The following LRRC74A variants were observed in gnomAD, a reference collection of about 807,000 sequenced individuals.
LRRC74A encodes leucine-rich repeat-containing protein 74A.
Under a neutral mutation model 57.9 loss-of-function variants are expected in LRRC74A, and 44 were observed. That is an observed-to-expected ratio of 0.76 (90% CI 0.60 to 0.98). The LOEUF is 0.98. LRRC74A is among the 50% of genes least tolerant of loss of function. The pLI, the probability that LRRC74A is intolerant of heterozygous loss-of-function variation, is 0.00. For missense variants in LRRC74A, 572 were observed against 574.0 expected (o/e 1.00, Z 0.04); for synonymous variants, 211 against 219.4 (o/e 0.96, Z 0.34).
chr14:76,851,647 C>A (rs557981182), intron 7 of LRRC74A, among the ~76,000 whole-genome samples: 314 of 145,006 alleles, frequency 2.2e-3, no homozygotes, highest in African/African-American at 7.7e-3. Context: ...TGTGAGCCAC[C>A]GTGCCTGGCC....
chr14:76,846,079 C>T (rs1897102218), intron 7 of LRRC74A, among the ~76,000 whole-genome samples: 2 of 152,034 alleles, frequency 1.3e-5, no homozygotes, highest in Admixed American at 1.3e-4. Flanking sequence ...TTGTAGAGTA[C>T]AAAAAATAGT....
At chr14:76,848,927 C>T (rs948758664) in intron 7 of LRRC74A, among the ~76,000 whole-genome samples, 1 of 152,110 alleles carries the variant, frequency 6.6e-6, no homozygotes, top group Admixed American at 6.6e-5. Flanking sequence ...TTCATGGTGG[C>T]ATTTGAAGCC....
At chr14:76,848,488 G>T (rs1316526571) in intron 7 of LRRC74A, among the ~76,000 whole-genome samples, 1 of 151,798 alleles carries the variant, frequency 6.6e-6, no homozygotes, top group Non-Finnish European at 1.5e-5. Flanking sequence ...AGAACTGCTT[G>T]AGCCCAGGAG....
At chr14:76,846,306 G>A (rs1229450895) in intron 7 of LRRC74A, among the ~76,000 whole-genome samples, 4 of 152,182 alleles carry the variant, frequency 2.6e-5, no homozygotes, top group Non-Finnish European at 5.9e-5. Context: ...AGCGAAATAA[G>A]AATACTTCAA....
chr14:76,850,434 T>C (rs1427504349), intron 7 of LRRC74A, among the ~76,000 whole-genome samples: 2 of 149,496 alleles, frequency 1.3e-5, no homozygotes, highest in East Asian at 2.0e-4. Context: ...AAAAAGAGAG[T>C]GAAGGAGGGG....
chr14:76,846,539 G>C (rs983437630), intron 7 of LRRC74A, among the ~76,000 whole-genome samples: 1 of 152,210 alleles, frequency 6.6e-6, no homozygotes, highest in Non-Finnish European at 1.5e-5. Context: ...GAGTACAAAA[G>C]AGGAAGTTGT....
At chr14:76,830,535 A>G (rs12892727) in intron 2 of LRRC74A, among the ~76,000 whole-genome samples, 25,167 of 152,252 alleles carry the variant, frequency 0.17, 2,209 homozygotes, top group East Asian at 0.27. Context: ...GTTTGTCGTC[A>G]ATAAAGCAAG....
chr14:76,849,403 C>A lies in LRRC74A; in HGVS notation c.677-2962C>A, dbSNP rs542378757. Among the ~76,000 whole-genome samples the A allele has an allele frequency of 1.3e-3, 197 of 152,108 alleles. 1 individual carries two copies. Among genetic ancestry groups the A allele is most frequent in the East Asian group, 1.6e-3 (8 of 5,116 alleles). ...AACACCTGACCTCAAGTGATCCACC[C>A]TCCTCGGCCTCCCAAAGAGCTGGGA... On this transcript the variant is annotated intron_variant, in intron 7 of 13. Transcript: ENST00000689127.
intron 3 of LRRC74A, 85 bp downstream of exon 3, chr14:76,831,460 C>A (rs1895966931): frequency 9.0e-6 from 13 of 1,440,746 alleles, no homozygotes; most frequent in Admixed American, 1.8e-5. Flanking sequence ...AGGGCCCCTC[C>A]TATGGAGCCT....
At chr14:76,847,695 A>C (rs1292882878) in intron 7 of LRRC74A, among the ~76,000 whole-genome samples, 1 of 152,142 alleles carries the variant, frequency 6.6e-6, no homozygotes, top group Non-Finnish European at 1.5e-5. Context: ...ATTTAAAAAA[A>C]AAAAAAGTGC....
Position 76,857,381 on chromosome 14 carries a change from T to A in LRRC74A, c.959T>A (p.Leu320His). The part of the protein sequence containing the change: ...ESNESLRVLK[L>H]FLNPINMDGA... ...CTTGTCTTGATTCTCCCTCTATAGC[T>A]TTTCCTGAATCCCATAAATATGGAT... Residue 320 changes from leucine to histidine, a missense_variant and splice_region_variant, in exon 10 of 14, where the codon CTT becomes CAT. Transcript: ENST00000689127. The A allele has an allele frequency of 6.4e-7, 1 of 1,569,812 alleles. No homozygotes were observed. The highest frequency in any genetic ancestry group is 8.7e-7 in the Non-Finnish European group (1 of 1,154,812).
intron 7 of LRRC74A, among the ~76,000 whole-genome samples, chr14:76,845,891 G>A (rs1183695519): frequency 1.3e-5 from 2 of 152,150 alleles, no homozygotes; most frequent in Non-Finnish European, 2.9e-5. Flanking sequence ...GGTGGTGCAT[G>A]CCTGTAATCC....
At chr14:76,860,554 C>A in intron 10 of LRRC74A, 139 bp from the exon 11 acceptor site, 1 of 722,736 alleles carries the variant, frequency 1.4e-6, no homozygotes, top group Non-Finnish European at 2.1e-6. Flanking sequence ...CTATCCCAGT[C>A]CAGGAGCAGC....
chr14:76,854,254 C>A (rs1454540069), intron 9 of LRRC74A, among the ~76,000 whole-genome samples: 2 of 152,218 alleles, frequency 1.3e-5, no homozygotes, highest in Admixed American at 1.3e-4. Context: ...TAATTCCATG[C>A]ATGTGAGGGC....
intron 7 of LRRC74A, among the ~76,000 whole-genome samples, chr14:76,845,802 C>T (rs151188214): frequency 0.15 from 22,121 of 152,260 alleles, 1,962 homozygotes; most frequent in Non-Finnish European, 0.2. Flanking sequence ...GGGCAGATCA[C>T]GAGGTCAAGA....
chr14:76,851,310 TTC>T (rs938165511), intron 7 of LRRC74A, among the ~76,000 whole-genome samples: 1 of 152,244 alleles, frequency 6.6e-6, no homozygotes, highest in African/African-American at 2.4e-5. Flanking sequence ...TTCCAGCTAC[TTC>T]TGTCTATTTT....
Position 76,831,040 on chromosome 14 carries a change from A to G in LRRC74A, c.167-163A>G, listed in dbSNP as rs982322402. 4.6e-5 allele frequency among the ~76,000 whole-genome samples: 7 copies of G among 152,226 alleles called. No homozygotes were observed. In the East Asian group the frequency reaches 1.3e-3, roughly 29 times the overall value. The stretch of plus-strand genomic sequence containing the variant: ...GGAGTTAGAGTCTCCCTCTCCCACC[A>G]TGGACTGACTTCCCAGACAGGAGCA... On this transcript the variant is annotated intron_variant, in intron 2 of 13. Transcript: ENST00000689127.
chr14:76,828,555 G>A, intron 2 of LRRC74A, 136 bp downstream of exon 2: 1 of 1,377,694 alleles, frequency 7.3e-7, no homozygotes, highest in South Asian at 1.2e-5. Flanking sequence ...GTGGCAGAAA[G>A]GCCTGCTCGA....
chr14:76,842,479 G>A lies in LRRC74A; in HGVS notation c.545-1944G>A, dbSNP rs569062578. On this transcript the variant is annotated intron_variant, in intron 5 of 13. Transcript: ENST00000689127. ...TGGCAGGAGAAATCTTGGAATCTGT[G>A]TTTTATCAAATTTCACAAATAATTC... is the stretch of plus-strand genomic sequence containing the variant. 3.3e-5 allele frequency among the ~76,000 whole-genome samples: 5 copies of A among 152,288 alleles called. No homozygotes were observed. In the South Asian group the frequency reaches 1.0e-3, roughly 32 times the overall value.
Sources: allele counts gnomAD v4.1 joint callset (sites outside exome capture counted in the v4.1 genomes callset), GRCh38; gene constraint gnomAD v4.1.1; transcripts MANE v1.5; gene names NCBI Gene and HGNC (gene_info 2026-07-23, HGNC 2026-07-21).